Variants in VEPH1 observed in about 807,000 individuals in gnomAD.
VEPH1 encodes ventricular zone expressed PH domain containing 1.
A neutral mutation model predicts 85.2 loss-of-function variants in VEPH1; 80 were observed. That is an observed-to-expected ratio of 0.94 (90% CI 0.78 to 1.13). VEPH1 has a LOEUF of 1.13. Ranked by LOEUF, VEPH1 falls within the 50% of genes most tolerant of loss-of-function variation. The probability of loss-of-function intolerance (pLI) is 0.00; values close to 1 mark genes in which losing one functional copy is unlikely to be tolerated. For missense variants in VEPH1, 955 were observed against 980.5 expected, an observed-to-expected ratio of 0.97 and a Z score of 0.35; for synonymous variants, 297 against 348.0, an observed-to-expected ratio of 0.85 and a Z score of 1.63.
intron 9 of VEPH1, among the ~76,000 whole-genome samples, chr3:157,339,952 A>G (rs553963718): frequency 1.1e-4 from 16 of 152,306 alleles, no homozygotes; most frequent in Non-Finnish European, 2.4e-4. Flanking sequence ...TTTATATTTA[A>G]TTTGTTATTA....
chr3:157,345,342 C>T (rs1724092406), intron 9 of VEPH1, among the ~76,000 whole-genome samples: 1 of 151,930 alleles, frequency 6.6e-6, no homozygotes, highest in South Asian at 2.1e-4. Flanking sequence ...AAAAAAACAA[C>T]CCCATCAAAA....
At chr3:157,459,954 T>C in intron 4 of VEPH1, 1 of 1,537,254 alleles carries the variant, frequency 6.5e-7, no homozygotes, top group Non-Finnish European at 8.7e-7. Flanking sequence ...GGAAGAATGC[T>C]TACAATTCTT....
At chr3:157,272,377 T>C (rs1343012436) in intron 12 of VEPH1, among the ~76,000 whole-genome samples, 1 of 80,168 alleles carries the variant, frequency 1.2e-5, no homozygotes, top group African/African-American at 5.8e-5. Flanking sequence ...TCTCTTTCTT[T>C]TCTTTCTTTC....
chr3:157,454,295 A>C (rs974797431), intron 4 of VEPH1, among the ~76,000 whole-genome samples: 1 of 152,226 alleles, frequency 6.6e-6, no homozygotes, highest in Admixed American at 6.5e-5. Flanking sequence ...AATACTGACT[A>C]GTATTATTAA....
At chr3:157,386,657 G>A (rs78439372) in intron 6 of VEPH1, among the ~76,000 whole-genome samples, 1,969 of 152,230 alleles carry the variant, frequency 0.013, 38 homozygotes, top group African/African-American at 0.044. Context: ...CCACACAACC[G>A]AGAGTTGTTT....
At chr3:157,327,734 A>G (rs1722067655) in intron 9 of VEPH1, among the ~76,000 whole-genome samples, 1 of 152,122 alleles carries the variant, frequency 6.6e-6, no homozygotes, top group African/African-American at 2.4e-5. Flanking sequence ...TAGACTTGCA[A>G]ATTTCTTATA....
chr3:157,290,564 G>A (rs1363666620), intron 11 of VEPH1, among the ~76,000 whole-genome samples: 3 of 152,080 alleles, frequency 2.0e-5, no homozygotes, highest in Admixed American at 6.6e-5. Flanking sequence ...CTACTTAGAG[G>A]AGTCACATTC....
intron 12 of VEPH1, among the ~76,000 whole-genome samples, chr3:157,282,273 A>G (rs1251496997): frequency 6.6e-6 from 1 of 152,054 alleles, no homozygotes; most frequent in African/African-American, 2.4e-5. Context: ...AGGCATGATC[A>G]TGGTACACCA....
At chr3:157,458,739 G>A (rs1735582499) in intron 4 of VEPH1, among the ~76,000 whole-genome samples, 1 of 152,106 alleles carries the variant, frequency 6.6e-6, no homozygotes, top group East Asian at 1.9e-4. Context: ...TTTTCCTTGA[G>A]GACTTTTATA....
At chr3:157,317,484 A>G (rs1720871576) in intron 9 of VEPH1, among the ~76,000 whole-genome samples, 1 of 152,240 alleles carries the variant, frequency 6.6e-6, no homozygotes, top group African/African-American at 2.4e-5. Context: ...GGGAGATACT[A>G]TATCATTTTC....
intron 7 of VEPH1, among the ~76,000 whole-genome samples, chr3:157,365,244 T>C (rs1174740348): frequency 6.6e-6 from 1 of 152,214 alleles, no homozygotes; most frequent in Non-Finnish European, 1.5e-5. Flanking sequence ...TGAGTAATTA[T>C]AGGAAAGTAG....
chr3:157,325,719 A>AG (rs1191541970), intron 9 of VEPH1, among the ~76,000 whole-genome samples: 1 of 152,174 alleles, frequency 6.6e-6, no homozygotes, highest in Non-Finnish European at 1.5e-5. Flanking sequence ...TTGTACAAGT[A>AG]CCATGCTGTT....
intron 2 of VEPH1, chr3:157,493,396 G>A (rs898673067): frequency 1.1e-4 from 44 of 396,192 alleles, no homozygotes; most frequent in African/African-American, 5.2e-4. Flanking sequence ...AGGATGGGAC[G>A]CAGCTAACAG....
chr3:157,355,901 C>CT (rs142961206), intron 9 of VEPH1, among the ~76,000 whole-genome samples: 8,064 of 139,314 alleles, frequency 0.058, 693 homozygotes, highest in African/African-American at 0.19. Flanking sequence ...CTCTCTCACT[C>CT]TTTTTTTTTT....
chr3:157,301,684 T>C (rs1048456471), intron 11 of VEPH1, among the ~76,000 whole-genome samples: 14 of 152,208 alleles, frequency 9.2e-5, no homozygotes, highest in African/African-American at 3.1e-4. Flanking sequence ...CCCATACAAT[T>C]CCTTTCTTTC....
At chr3:157,401,622 G>T (rs1730797041) in intron 6 of VEPH1, among the ~76,000 whole-genome samples, 1 of 152,088 alleles carries the variant, frequency 6.6e-6, no homozygotes, top group Non-Finnish European at 1.5e-5. Context: ...CCTTGCCTTG[G>T]ATTGGTGATT....
chr3:157,446,780 C>A (rs904396220), intron 4 of VEPH1, among the ~76,000 whole-genome samples: 2 of 152,108 alleles, frequency 1.3e-5, no homozygotes, highest in South Asian at 2.1e-4. Flanking sequence ...TATCGTTGAT[C>A]CTTGCATCAA....
Position 157,322,488 on chromosome 3 carries a change from TG to T in VEPH1, c.1736-5288del, listed in dbSNP as rs1399492853. ...TTTGGTATATACAAAGAAGTGGCAT[TG>T]TTGGATCATATGGTAATTCTATGTT... On this transcript the variant is annotated intron_variant, in intron 9 of 13. Coordinates refer to ENST00000362010, the MANE Select transcript of VEPH1 (RefSeq NM_001167912.2). Among the ~76,000 whole-genome samples the T allele has an allele frequency of 1.8e-3, 268 of 152,322 alleles. 2 individuals carry two copies. The highest frequency in any genetic ancestry group is 0.017 in the Middle Eastern group (5 of 294).
At chr3:157,329,938 C>G (rs1381909717) in intron 9 of VEPH1, among the ~76,000 whole-genome samples, 1 of 152,190 alleles carries the variant, frequency 6.6e-6, no homozygotes, top group African/African-American at 2.4e-5. Context: ...GTAGGAGTGT[C>G]TTATTGTCCC....
Sources: allele counts gnomAD v4.1 joint callset (sites outside exome capture counted in the v4.1 genomes callset), GRCh38; gene constraint gnomAD v4.1.1; transcripts MANE v1.5; gene names NCBI Gene and HGNC (gene_info 2026-07-23, HGNC 2026-07-21).